The following OSCAR variants were observed in gnomAD, a reference collection of about 807,000 sequenced individuals.
OSCAR encodes osteoclast associated Ig-like receptor.
A neutral mutation model predicts 27.3 loss-of-function variants in OSCAR; 25 were observed. That is an observed-to-expected ratio of 0.92 (90% confidence interval 0.67 to 1.28). The LOEUF (loss-of-function observed/expected upper bound fraction) is 1.28, where lower values mean the gene tolerates loss of function less well. Among genes scored for constraint, OSCAR ranks in the 50% most tolerant of loss-of-function variants. OSCAR has a pLI of 0.00. For synonymous variants in OSCAR, 158 were observed against 165.7 expected, an observed-to-expected ratio of 0.95 and a Z score of 0.36; for missense variants, 354 against 355.1, an observed-to-expected ratio of 1.00 and a Z score of 0.03.
chr19:54,098,342 A>G (rs1236824376), intron 2 of OSCAR, among the ~76,000 whole-genome samples: 2 of 152,194 alleles, frequency 1.3e-5, no homozygotes, highest in South Asian at 2.1e-4. Context: ...AGGTGGGTGC[A>G]TCACCTGAGG....
intron 2 of OSCAR, among the ~76,000 whole-genome samples, chr19:54,099,229 A>ATTTTTTTTTTTTTTT (rs1228940404): frequency 3.6e-5 from 3 of 82,422 alleles, no homozygotes; most frequent in South Asian, 9.8e-4. Context: ...CACCCGGCTA[A>ATTTTTTTTTTTTTTT]TTTTTTTTTT....
intron 3 of OSCAR, among the ~76,000 whole-genome samples, chr19:54,096,394 G>C (rs1479656979): frequency 5.7e-5 from 4 of 70,086 alleles, no homozygotes; most frequent in Non-Finnish European, 8.1e-5. Flanking sequence ...CTCTCTCTCT[G>C]CCTCCCTCTC....
Position 54,095,115 on chromosome 19 carries a change from G to A in OSCAR, c.*106C>T. ...CGGGGTCTAAGGACCGTTCCGCGGAGCTCAGCCAGCAGGACTGTGGGGCTG... is the reference window on the plus strand; with the variant it reads ...CGGGGTCTAAGGACCGTTCCGCGGAACTCAGCCAGCAGGACTGTGGGGCTG... On this transcript the variant is annotated 3_prime_UTR_variant, in exon 5 of 5. Coordinates refer to ENST00000358375, the MANE Select transcript of OSCAR (RefSeq NM_133169.6). 6.8e-7 allele frequency: 1 copy of A among 1,475,928 alleles called. No homozygotes were observed. The highest frequency in any genetic ancestry group is 1.4e-5 in the South Asian group (1 of 72,310). The allele number at this position is 1,475,928 out of a possible 1,614,324, so 91.4% of individuals were successfully genotyped here. A position where few individuals can be genotyped will look rare whatever the true frequency, so the allele number is the denominator to read the frequency against.
At position 54,096,113 on chromosome 19, in the gene OSCAR, C is replaced by G. The variant is rs1226016696; in HGVS notation, c.414G>C (p.Pro138=). ...PRPSLVALPG[P]VVGPGANVSL... is the part of the protein sequence containing the mutation. ...TCACGTTGGCGCCAGGACCCACCAC[C>G]GGCCCGGGCAGCGCCACCAGCGACG... The change falls in exon 4 of 5, where the codon CCG becomes CCC. Residue 138 remains proline (P), a synonymous_variant. Transcript: ENST00000358375. 4 of 1,528,308 alleles carry G rather than the reference C, an allele frequency of 2.6e-6. No homozygotes were observed. Among genetic ancestry groups the G allele is most frequent in the Non-Finnish European group, 3.5e-6 (4 of 1,143,968 alleles). The allele number at this position is 1,528,308 out of a possible 1,614,324, so 94.7% of individuals were successfully genotyped here.
chr19:54,099,061 T>TGTG, intron 2 of OSCAR, among the ~76,000 whole-genome samples: 1 of 151,168 alleles, frequency 6.6e-6, no homozygotes, highest in Admixed American at 6.6e-5. Context: ...AGAGTTTTTT[T>TGTG]TGTTTGTTTG....
intron 2 of OSCAR, among the ~76,000 whole-genome samples, chr19:54,099,072 T>TTTG (rs1555783168): frequency 2.6e-5 from 4 of 151,028 alleles, no homozygotes; most frequent in East Asian, 1.9e-4. Context: ...TGTTTGTTTG[T>TTTG]TTGTTTTTGA....
chr19:54,099,308 ATCCGCCCG>A (rs2072924629), intron 2 of OSCAR, among the ~76,000 whole-genome samples: 1 of 133,982 alleles, frequency 7.5e-6, no homozygotes, highest in African/African-American at 2.9e-5. Context: ...TGACCTTGTG[ATCCGCCCG>A]CCTCTGCCTC....
chr19:54,097,247 A>G, intron 2 of OSCAR, 83 bp from the exon 3 acceptor site: 3 of 1,379,688 alleles, frequency 2.2e-6, no homozygotes, highest in Non-Finnish European at 3.0e-6. Flanking sequence ...GAGGAAAATC[A>G]CCTTGGACAA....
At chr19:54,099,890 G>A (rs2072958117) in intron 1 of OSCAR, 110 bp from the exon 2 acceptor site, 1 of 1,266,278 alleles carries the variant, frequency 7.9e-7, no homozygotes, top group African/African-American at 1.5e-5. Context: ...TCAGCTCACT[G>A]CAACCTCTGC....
chr19:54,098,578 G>A (rs1181683510), intron 2 of OSCAR, among the ~76,000 whole-genome samples: 2 of 151,700 alleles, frequency 1.3e-5, no homozygotes, highest in East Asian at 3.9e-4. Flanking sequence ...ATGCACTTTG[G>A]GAGGCTGAGG....
rs1568545804 is a variant in OSCAR, at chr19:54,099,209, CGT to C, written c.70+537_70+538del. 2.7e-3 allele frequency among the ~76,000 whole-genome samples: 364 copies of C among 137,198 alleles called. 2 individuals are homozygous for C. The highest frequency in any genetic ancestry group is 9.1e-3 in the African/African-American group (345 of 37,772). 90.0% of individuals were successfully genotyped at this position (137,198 alleles called of 152,430 possible). A position where few individuals can be genotyped will look rare whatever the true frequency, so the allele number is the denominator to read the frequency against. ...TCCTGAGTAGCTGGGATTACAGGTG[CGT>C]CCCACCACACCCGGCTAATTTTTTT... On this transcript the variant is annotated intron_variant, in intron 2 of 4. Coordinates refer to ENST00000358375, the MANE Select transcript of OSCAR (RefSeq NM_133169.6).
intron 1 of OSCAR, 26 bp from the exon 2 acceptor site, chr19:54,099,806 C>G (rs765534099): frequency 6.4e-7 from 1 of 1,571,058 alleles, no homozygotes; most frequent in East Asian, 2.3e-5. Flanking sequence ...GGACTAGTTT[C>G]TTTTTCCTTT....
At chr19:54,095,750 G>A (rs1192207928) in intron 4 of OSCAR, 122 bp downstream of exon 4, 8 of 1,454,726 alleles carry the variant, frequency 5.5e-6, no homozygotes, top group South Asian at 2.5e-5. Context: ...GGGGCTGCAG[G>A]ACTAGACCCC....
rs1289486457 is a variant in OSCAR, at chr19:54,100,743, AG to A, written c.37+12del. The A allele has an allele frequency of 6.4e-7, 1 of 1,551,654 alleles. No individual in the cohort carries two copies. Reference sequence around the variant, plus strand: ...CCAGCCAGGAACCCAGGGAGAAGAAAGGGGTGACTCACAGAGGGTCAGCAGC... The same window carrying A: ...CCAGCCAGGAACCCAGGGAGAAGAAAGGGTGACTCACAGAGGGTCAGCAGC... On this transcript the variant is annotated intron_variant, in intron 1 of 4. Transcript: ENST00000358375.
At position 54,098,123 on chromosome 19, in the gene OSCAR, T is replaced by G. The variant is rs587649655; in HGVS notation, c.71-959A>C. Among the ~76,000 whole-genome samples the G allele has an allele frequency of 2.0e-5, 3 of 152,268 alleles. No homozygotes were observed. In the South Asian group the frequency reaches 6.2e-4, roughly 32 times the overall value. On this transcript the variant is annotated intron_variant, in intron 2 of 4. Coordinates refer to ENST00000358375, the MANE Select transcript of OSCAR (RefSeq NM_133169.6). The stretch of plus-strand genomic sequence containing the variant: ...TATTTGTCTTGGGGTAAGGAAGGCT[T>G]CTTAAAATATAAAATAAAAAGTTGT...
intron 4 of OSCAR, 153 bp from the exon 5 acceptor site, chr19:54,095,510 G>A (rs756113977): frequency 7.1e-6 from 10 of 1,416,998 alleles, no homozygotes; most frequent in Non-Finnish European, 9.2e-6. Flanking sequence ...CAACTCCTGG[G>A]TCCAGGAAGA....
chr19:54,097,054 T>G lies in OSCAR; in HGVS notation c.181A>C (p.Arg61=). 6.2e-7 allele frequency: 1 copy of G among 1,614,044 alleles called. No homozygotes were observed. The highest frequency in any genetic ancestry group is 8.5e-7 in the Non-Finnish European group (1 of 1,179,990). The part of the protein sequence containing the change: ...LRCRAPQPAW[R]FGLFKPGEIA... ...TCTCCAGGCTTGAAAAGTCCAAATCTCCAAGCGGGTTGGGGTGCCCGGCAT... is the reference window on the plus strand; with the variant it reads ...TCTCCAGGCTTGAAAAGTCCAAATCGCCAAGCGGGTTGGGGTGCCCGGCAT... Residue 61 remains arginine (R), a synonymous_variant, in exon 3 of 5, where the codon AGA becomes CGA. Transcript: ENST00000358375.
intron 4 of OSCAR, chr19:54,095,584 A>G: frequency 8.4e-7 from 1 of 1,196,634 alleles, no homozygotes; most frequent in Non-Finnish European, 1.1e-6. Flanking sequence ...TCCTGGGTCC[A>G]GGAAGGAGGG....
At chr19:54,097,642 A>G (rs1038296400) in intron 2 of OSCAR, among the ~76,000 whole-genome samples, 1 of 127,100 alleles carries the variant, frequency 7.9e-6, no homozygotes, top group African/African-American at 3.0e-5. Flanking sequence ...TTGCTCAGGC[A>G]GGAGTGCAGT....
Sources: gnomAD v4.1 joint callset for allele counts (sites outside exome capture counted in the v4.1 genomes callset) on GRCh38, gnomAD v4.1.1 for gene constraint, MANE v1.5 for transcripts, NCBI Gene and HGNC (gene_info 2026-07-23, HGNC 2026-07-21) for gene names.